The following FHIT variants were observed in gnomAD, a reference collection of about 807,000 sequenced individuals.
FHIT encodes the protein bis(5'-adenosyl)-triphosphatase.
Under a neutral mutation model 17.9 loss-of-function variants are expected in FHIT, and 19 were observed. The observed-to-expected ratio is 1.06, with a 90% CI of 0.74 to 1.56. The LOEUF (loss-of-function observed/expected upper bound fraction) is 1.56, where lower values mean the gene tolerates loss of function less well. Among genes scored for constraint, FHIT ranks in the 40% most tolerant of loss-of-function variants. The probability of loss-of-function intolerance (pLI) is 0.00; values close to 1 mark genes in which losing one functional copy is unlikely to be tolerated. For synonymous variants in FHIT, 81 were observed against 69.7 expected, an observed-to-expected ratio of 1.16 and a Z score of -0.81; for missense variants, 248 against 189.2, an observed-to-expected ratio of 1.31 and a Z score of -1.82.
chr3:60,828,252 A>G (rs1352412285), intron 3 of FHIT, among the ~76,000 whole-genome samples: 1 of 152,156 alleles, frequency 6.6e-6, no homozygotes, highest in Admixed American at 6.5e-5. Flanking sequence ...TTTTAACATT[A>G]TCATTCACCT....
Position 60,505,898 on chromosome 3 carries a change from G to A in FHIT, c.103+30962C>T, listed in dbSNP as rs552952972. Among the ~76,000 whole-genome samples, 307 of 152,122 alleles carry A rather than the reference G, an allele frequency of 2.0e-3. 3 individuals are homozygous for A. The highest frequency in any genetic ancestry group is 6.9e-3 in the African/African-American group (286 of 41,476). ...TCTAATGTTAATAAGCTTGAATTTG[G>A]TAACATTAACCCCACAGTTACCAAA... On this transcript the variant is annotated intron_variant, in intron 5 of 9. Coordinates refer to ENST00000492590, the MANE Select transcript of FHIT (RefSeq NM_002012.4).
intron 2 of FHIT, among the ~76,000 whole-genome samples, chr3:61,116,586 G>C (rs1005833783): frequency 6.6e-6 from 1 of 152,262 alleles, no homozygotes; most frequent in East Asian, 1.9e-4. Flanking sequence ...ATCACACTAA[G>C]TGGATTTTAA....
intron 5 of FHIT, among the ~76,000 whole-genome samples, chr3:60,289,783 T>C (rs1028026199): frequency 3.9e-5 from 6 of 152,024 alleles, no homozygotes; most frequent in African/African-American, 1.2e-4. Context: ...ACCGGGTATT[T>C]AGAAGAAGGA....
Position 60,897,657 on chromosome 3 carries a change from G to T in FHIT, c.-110-75646C>A, listed in dbSNP as rs369492806. ...AGAAAATCCTATTTGCCTACTGACC[G>T]CTGGGCAACTTCAAAACTGCATGAC... On this transcript the variant is annotated intron_variant, in intron 3 of 9. Transcript: ENST00000492590. Among the ~76,000 whole-genome samples the T allele has an allele frequency of 2.6e-5, 4 of 152,172 alleles. No individual in the cohort carries two copies. The South Asian group carries it at 6.2e-4, about 24-fold the overall frequency.
chr3:60,414,963 C>T (rs1315980826), intron 5 of FHIT, among the ~76,000 whole-genome samples: 1 of 152,122 alleles, frequency 6.6e-6, no homozygotes, highest in Non-Finnish European at 1.5e-5. Context: ...TTAGTCTTCC[C>T]CCAAATCATT....
At chr3:60,945,032 C>T (rs1400914787) in intron 3 of FHIT, among the ~76,000 whole-genome samples, 3 of 151,880 alleles carry the variant, frequency 2.0e-5, no homozygotes, top group African/African-American at 7.3e-5. Context: ...ATCAGGGAGT[C>T]GTAAGTCTTG....
intron 5 of FHIT, among the ~76,000 whole-genome samples, chr3:60,249,402 G>C (rs528036951): frequency 9.2e-5 from 14 of 152,228 alleles, no homozygotes; most frequent in Admixed American, 4.6e-4. Flanking sequence ...TCTGAGGGAG[G>C]CTGACTCCAT....
At chr3:60,725,350 G>C (rs1389341127) in intron 4 of FHIT, among the ~76,000 whole-genome samples, 2 of 152,122 alleles carry the variant, frequency 1.3e-5, no homozygotes, top group African/African-American at 2.4e-5. Flanking sequence ...CCGTAGCTAA[G>C]AAACCATTGC....
chr3:59,833,800 A>G (rs537959308), intron 8 of FHIT, among the ~76,000 whole-genome samples: 2 of 152,232 alleles, frequency 1.3e-5, no homozygotes, highest in South Asian at 4.1e-4. Flanking sequence ...AGGTGATTGG[A>G]TCAGGGGGAC....
At position 61,041,827 on chromosome 3, in the gene FHIT, T is replaced by C. The variant is rs182891069; in HGVS notation, c.-111+220A>G. ...TACCTTAAAGATATAACAAAAGTAATTATGATAATAATGAAAAAAGTGAGA... is the reference window on the plus strand; with the variant it reads ...TACCTTAAAGATATAACAAAAGTAACTATGATAATAATGAAAAAAGTGAGA... On this transcript the variant is annotated intron_variant, in intron 3 of 9. Coordinates refer to ENST00000492590, the MANE Select transcript of FHIT (RefSeq NM_002012.4). Among the ~76,000 whole-genome samples the C allele has an allele frequency of 1.3e-3, 205 of 152,310 alleles. 1 individual carries two copies. The highest frequency in any genetic ancestry group is 2.4e-3 in the Non-Finnish European group (162 of 68,020).
At chr3:60,429,388 A>C (rs1174688539) in intron 5 of FHIT, among the ~76,000 whole-genome samples, 2 of 152,122 alleles carry the variant, frequency 1.3e-5, no homozygotes, top group Non-Finnish European at 2.9e-5. Flanking sequence ...AAGGAGCAAG[A>C]GCTAAATATG....
intron 2 of FHIT, among the ~76,000 whole-genome samples, chr3:61,189,644 G>T (rs950921993): frequency 6.6e-6 from 1 of 152,162 alleles, no homozygotes; most frequent in Non-Finnish European, 1.5e-5. Context: ...TAAGCCAAAA[G>T]AACAAAGCTG....
intron 7 of FHIT, among the ~76,000 whole-genome samples, chr3:59,926,999 G>A (rs1705693442): frequency 6.6e-6 from 1 of 152,160 alleles, no homozygotes; most frequent in African/African-American, 2.4e-5. Flanking sequence ...GAAGACATAT[G>A]TCCACACAAA....
intron 2 of FHIT, among the ~76,000 whole-genome samples, chr3:61,187,585 T>C (rs923252641): frequency 6.6e-6 from 1 of 152,182 alleles, no homozygotes; most frequent in African/African-American, 2.4e-5. Flanking sequence ...GCGGACCTAA[T>C]AGACATCTAC....
chr3:61,228,987 T>G (rs757593925), intron 1 of FHIT, among the ~76,000 whole-genome samples: 1 of 152,180 alleles, frequency 6.6e-6, no homozygotes, highest in Non-Finnish European at 1.5e-5. Flanking sequence ...ATTTTCTCCA[T>G]GTCACTTCAC....
chr3:60,177,897 A>T (rs1483672850), intron 5 of FHIT, among the ~76,000 whole-genome samples: 1 of 152,194 alleles, frequency 6.6e-6, no homozygotes, highest in Non-Finnish European at 1.5e-5. Flanking sequence ...AGAGGAGATA[A>T]TGTACTTCAA....
chr3:60,169,552 G>A (rs1336067691), intron 5 of FHIT, among the ~76,000 whole-genome samples: 1 of 152,188 alleles, frequency 6.6e-6, no homozygotes, highest in Non-Finnish European at 1.5e-5. Flanking sequence ...CAACTCCATA[G>A]AGAAACAGAA....
chr3:61,128,874 A>G lies in FHIT; in HGVS notation c.-164+71743T>C, dbSNP rs76322082. On this transcript the variant is annotated intron_variant, in intron 2 of 9. Transcript: ENST00000492590. ...CAATGCTCAACTCGAAAGTTGTTCA[A>G]AAGGTTCACTGGCATACATAAGCCT... Among the ~76,000 whole-genome samples, 1,454 of 152,246 alleles carry G rather than the reference A, an allele frequency of 9.6e-3. 10 individuals carry two copies. Among genetic ancestry groups the G allele is most frequent in the Middle Eastern group, 0.034 (10 of 294 alleles).
intron 3 of FHIT, among the ~76,000 whole-genome samples, chr3:60,842,641 A>ATTTTTT (rs1702772960): frequency 3.0e-4 from 14 of 47,158 alleles, no homozygotes; most frequent in African/African-American, 4.5e-4. Flanking sequence ...ATATATATAT[A>ATTTTTT]TATATTTTTT....
Sources: allele counts gnomAD v4.1 joint callset (sites outside exome capture counted in the v4.1 genomes callset), GRCh38; gene constraint gnomAD v4.1.1; transcripts MANE v1.5; gene names NCBI Gene and HGNC (gene_info 2026-07-23, HGNC 2026-07-21).